RGS6: variants seen among roughly 807,000 people sequenced by gnomAD.
The protein encoded by RGS6 is regulator of G protein signaling 6.
RGS6 carries 30 observed loss-of-function variants against 78.5 expected under a neutral mutation model. That is an observed-to-expected ratio of 0.38 (90% CI 0.29 to 0.52). The LOEUF (loss-of-function observed/expected upper bound fraction) is 0.52. Among genes scored for constraint, RGS6 ranks in the 20% least tolerant of loss-of-function variants. The pLI is 0.85. For synonymous variants in RGS6, 206 were observed against 206.0 expected (o/e 1.00, Z 0.00); for missense variants, 495 against 609.7 (o/e 0.81, Z 1.98).
intron 3 of RGS6, among the ~76,000 whole-genome samples, chr14:72,365,938 G>C (rs1164826474): frequency 6.6e-6 from 1 of 152,122 alleles, no homozygotes; most frequent in Non-Finnish European, 1.5e-5. Flanking sequence ...GGGTAGCACT[G>C]TTTAGGAGAA....
chr14:71,876,867 C>A, the RGS6 span, among the ~76,000 whole-genome samples: 2 of 151,968 alleles, frequency 1.3e-5, no homozygotes, highest in African/African-American at 4.8e-5. Context: ...TTAGGGCAGG[C>A]CTGGTGGTGA....
intron 3 of RGS6, among the ~76,000 whole-genome samples, chr14:72,384,558 G>T (rs2087249707): frequency 6.6e-6 from 1 of 152,112 alleles, no homozygotes; most frequent in South Asian, 2.1e-4. Flanking sequence ...CTTATTGGCT[G>T]TTGTCAGTAA....
chr14:71,921,747 G>A, the RGS6 span, among the ~76,000 whole-genome samples: 1 of 152,292 alleles, frequency 6.6e-6, no homozygotes, highest in East Asian at 1.9e-4. Flanking sequence ...AGGATACAAA[G>A]TTTCAGTTAT....
intron 2 of RGS6, among the ~76,000 whole-genome samples, chr14:72,149,441 G>A (rs1462681041): frequency 6.6e-6 from 1 of 152,164 alleles, no homozygotes; most frequent in Non-Finnish European, 1.5e-5. Context: ...CATTCCAGCT[G>A]GAAGGAACAG....
At chr14:72,179,486 G>A (rs1001625623) in intron 2 of RGS6, among the ~76,000 whole-genome samples, 1 of 152,188 alleles carries the variant, frequency 6.6e-6, no homozygotes, top group African/African-American at 2.4e-5. Context: ...CTGCTAATTA[G>A]CAGTAACATA....
chr14:72,335,272 C>T (rs1240044239), intron 2 of RGS6, among the ~76,000 whole-genome samples: 2 of 152,134 alleles, frequency 1.3e-5, no homozygotes, highest in Non-Finnish European at 2.9e-5. Flanking sequence ...TAGGCTTTCC[C>T]TCCTTAGAGT....
chr14:72,469,964 T>G lies in RGS6; in HGVS notation c.460-43T>G, dbSNP rs759805073. ...AAGCATAGGTGTCGATGTGCTAATT[T>G]ACGATGATTAATGCCGCCTTGTTGA... On this transcript the variant is annotated intron_variant, in intron 7 of 17. Transcript: ENST00000553525. 14 of 1,441,944 alleles carry G rather than the reference T, an allele frequency of 9.7e-6. No individual in the cohort carries two copies. The South Asian group carries it at 1.6e-4, about 17-fold the overall frequency. The allele number at this position is 1,441,944 out of a possible 1,614,324, so 89.3% of individuals were successfully genotyped here. A position where few individuals can be genotyped will look rare whatever the true frequency, so the allele number is the denominator to read the frequency against.
chr14:71,908,352 C>G, the RGS6 span: 1 of 152,300 alleles, frequency 6.6e-6, no homozygotes, highest in East Asian at 1.9e-4. Context: ...TGCCGTCTAG[C>G]GAGAGTTTCC....
At chr14:72,260,378 G>C (rs1015235712) in intron 2 of RGS6, among the ~76,000 whole-genome samples, 3 of 152,192 alleles carry the variant, frequency 2.0e-5, no homozygotes, top group Admixed American at 1.3e-4. Context: ...TTGAAAATGA[G>C]TGATAATTAT....
chr14:72,222,350 A>G (rs536783079), intron 2 of RGS6, among the ~76,000 whole-genome samples: 1 of 152,290 alleles, frequency 6.6e-6, no homozygotes, highest in Non-Finnish European at 1.5e-5. Flanking sequence ...TGTACTTTTT[A>G]GCTTCTCCTT....
intron 12 of RGS6, among the ~76,000 whole-genome samples, chr14:72,479,968 T>C (rs1419692851): frequency 6.6e-6 from 1 of 152,224 alleles, no homozygotes; most frequent in African/African-American, 2.4e-5. Flanking sequence ...GTTTGCAATT[T>C]AGAAAGAGCG....
chr14:72,171,844 T>C (rs2097024356), intron 2 of RGS6, among the ~76,000 whole-genome samples: 1 of 152,222 alleles, frequency 6.6e-6, no homozygotes, highest in Non-Finnish European at 1.5e-5. Context: ...CCCTATGAGA[T>C]AGGTAGTGTT....
intron 2 of RGS6, among the ~76,000 whole-genome samples, chr14:71,986,555 C>T (rs975766938): frequency 8.6e-5 from 13 of 151,196 alleles, no homozygotes; most frequent in Non-Finnish European, 1.3e-4. Flanking sequence ...AAAAAAAATA[C>T]AAAAGTTGTC....
chr14:72,606,789 C>T, the RGS6 span, among the ~76,000 whole-genome samples: 4 of 152,076 alleles, frequency 2.6e-5, no homozygotes, highest in Admixed American at 6.6e-5. Flanking sequence ...GCCCTCCCAG[C>T]GGTAGGTAAT....
At chr14:72,559,408 A>AT (rs2097639007) in intron 17 of RGS6, among the ~76,000 whole-genome samples, 1 of 152,182 alleles carries the variant, frequency 6.6e-6, no homozygotes, top group African/African-American at 2.4e-5. Context: ...CCAGGCATCT[A>AT]CCCATGCCCG....
chr14:72,588,369 G>A, the RGS6 span, among the ~76,000 whole-genome samples: 3 of 152,184 alleles, frequency 2.0e-5, no homozygotes, highest in Non-Finnish European at 4.4e-5. Flanking sequence ...AGACGCCTCT[G>A]AGGACTCCCA....
chr14:72,365,839 G>C (rs1254840324), intron 3 of RGS6, among the ~76,000 whole-genome samples: 1 of 152,094 alleles, frequency 6.6e-6, no homozygotes, highest in East Asian at 1.9e-4. Context: ...CTATACCCAA[G>C]ATAAGGACTT....
At chr14:71,893,632 C>T in the RGS6 span, among the ~76,000 whole-genome samples, 1 of 152,180 alleles carries the variant, frequency 6.6e-6, no homozygotes, top group East Asian at 1.9e-4. Flanking sequence ...TTTCATGCCT[C>T]ACAGAGTTTG....
At chr14:72,295,290 CAA>C (rs67921203) in intron 2 of RGS6, among the ~76,000 whole-genome samples, 6,860 of 91,574 alleles carry the variant, frequency 0.075, 481 homozygotes, top group African/African-American at 0.22. Flanking sequence ...GACTCCGTCT[CAA>C]AAAAAAAAAA....
Sources: allele counts gnomAD v4.1 joint callset (sites outside exome capture counted in the v4.1 genomes callset), GRCh38; gene constraint gnomAD v4.1.1; transcripts MANE v1.5; gene names NCBI Gene and HGNC (gene_info 2026-07-23, HGNC 2026-07-21).